Variants in NRXN1 observed in about 807,000 individuals in gnomAD.
NRXN1 encodes the protein neurexin-1.
A neutral mutation model predicts 150.9 loss-of-function variants in NRXN1; 39 were observed. The ratio of observed to expected loss-of-function variants is 0.26; its 90% CI spans 0.20 to 0.34. NRXN1 has a LOEUF of 0.34. NRXN1 is among the 10% of genes least tolerant of loss of function. The probability of loss-of-function intolerance (pLI) is 1.00; values close to 1 mark genes in which losing one functional copy is unlikely to be tolerated. For synonymous variants in NRXN1, 924 were observed against 757.0 expected (o/e 1.22, Z -3.62); for missense variants, 1,815 against 1,949.9 (o/e 0.93, Z 1.30).
intron 5 of NRXN1, among the ~76,000 whole-genome samples, chr2:50,705,770 G>A (rs994863972): frequency 1.8e-4 from 28 of 152,072 alleles, no homozygotes; most frequent in African/African-American, 2.7e-4. Flanking sequence ...CAGAGACACC[G>A]CTGATGAGCC....
chr2:50,386,973 C>T (rs540896653), intron 17 of NRXN1, among the ~76,000 whole-genome samples: 3 of 152,254 alleles, frequency 2.0e-5, no homozygotes, highest in African/African-American at 7.2e-5. Context: ...ACAGAACAAG[C>T]TGAGTGATCT....
At chr2:50,936,950 C>T (rs904392401) in intron 2 of NRXN1, among the ~76,000 whole-genome samples, 2 of 152,018 alleles carry the variant, frequency 1.3e-5, no homozygotes, top group Non-Finnish European at 2.9e-5. Flanking sequence ...GCATTTCTTA[C>T]CAATACTTCA....
chr2:50,720,307 A>G (rs542333034), intron 5 of NRXN1, among the ~76,000 whole-genome samples: 1 of 152,112 alleles, frequency 6.6e-6, no homozygotes, highest in Non-Finnish European at 1.5e-5. Context: ...CAGTTACAAC[A>G]TGTCTCTTTC....
chr2:50,139,324 CAAAAAAAA>C (rs35142652), intron 18 of NRXN1, among the ~76,000 whole-genome samples: 1 of 77,402 alleles, frequency 1.3e-5, no homozygotes, highest in Non-Finnish European at 2.6e-5. Context: ...GACTTGGTAT[CAAAAAAAA>C]AAAAAAAAAA....
intron 8 of NRXN1, chr2:50,554,554 G>A (rs956042467): frequency 2.0e-5 from 3 of 152,086 alleles, no homozygotes; most frequent in African/African-American, 7.2e-5. Context: ...ACATAAGTGG[G>A]AAAATCTACA....
At chr2:50,550,168 G>GT (rs1342139034) in intron 9 of NRXN1, among the ~76,000 whole-genome samples, 3 of 151,744 alleles carry the variant, frequency 2.0e-5, no homozygotes, top group African/African-American at 4.8e-5. Context: ...GATGTTTGGT[G>GT]TTTTTTTTCT....
intron 8 of NRXN1, among the ~76,000 whole-genome samples, chr2:50,610,356 A>C (rs1469157): frequency 0.54 from 81,925 of 151,322 alleles, 22,835 homozygotes; most frequent in East Asian, 0.73. Flanking sequence ...TAATTCACTG[A>C]GCTTCAGTCC....
intron 2 of NRXN1, among the ~76,000 whole-genome samples, chr2:50,970,501 C>G (rs1026872532): frequency 6.6e-6 from 1 of 151,902 alleles, no homozygotes; most frequent in Non-Finnish European, 1.5e-5. Flanking sequence ...CACATTAAAA[C>G]CAATTAATAA....
At chr2:50,758,783 GGA>G (rs902362404) in intron 5 of NRXN1, among the ~76,000 whole-genome samples, 1 of 151,848 alleles carries the variant, frequency 6.6e-6, no homozygotes, top group African/African-American at 2.4e-5. Context: ...ATAACACCTT[GGA>G]GAGCTCTCAC....
At chr2:50,271,592 C>A (rs567046639) in intron 17 of NRXN1, among the ~76,000 whole-genome samples, 1 of 152,128 alleles carries the variant, frequency 6.6e-6, no homozygotes, top group Non-Finnish European at 1.5e-5. Flanking sequence ...GCAAGTGACA[C>A]ATTTTAACAA....
intron 5 of NRXN1, among the ~76,000 whole-genome samples, chr2:50,755,351 A>C (rs576846134): frequency 7.2e-5 from 11 of 151,900 alleles, no homozygotes; most frequent in African/African-American, 2.7e-4. Context: ...TTTTGAACCT[A>C]ATTATTGTGA....
At chr2:50,789,045 A>G (rs571749790) in intron 5 of NRXN1, among the ~76,000 whole-genome samples, 2 of 152,296 alleles carry the variant, frequency 1.3e-5, no homozygotes, top group South Asian at 4.1e-4. Flanking sequence ...TGGCTAATGT[A>G]AGGCCCGTAG....
At chr2:50,707,157 C>T (rs944406233) in intron 5 of NRXN1, among the ~76,000 whole-genome samples, 8 of 152,122 alleles carry the variant, frequency 5.3e-5, no homozygotes, top group African/African-American at 1.4e-4. Flanking sequence ...ATATGTCTTG[C>T]TGGCTTTCAT....
At chr2:50,828,337 C>T (rs1365260625) in intron 5 of NRXN1, among the ~76,000 whole-genome samples, 1 of 150,906 alleles carries the variant, frequency 6.6e-6, no homozygotes, top group Non-Finnish European at 1.5e-5. Flanking sequence ...CCCCCGCCTC[C>T]CTCCCAGATG....
At chr2:50,038,646 T>C (rs1690417992) in intron 21 of NRXN1, among the ~76,000 whole-genome samples, 3 of 152,150 alleles carry the variant, frequency 2.0e-5, no homozygotes, top group Admixed American at 6.5e-5. Flanking sequence ...TTCTTATTCA[T>C]AGCTGCCTAA....
intron 10 of NRXN1, among the ~76,000 whole-genome samples, chr2:50,531,730 A>G (rs886758418): frequency 1.3e-5 from 2 of 151,976 alleles, no homozygotes; most frequent in Admixed American, 6.6e-5. Flanking sequence ...TGAGTGTTTG[A>G]TTATATGCCC....
intron 12 of NRXN1, among the ~76,000 whole-genome samples, chr2:50,522,414 C>A (rs774905994): frequency 1.3e-5 from 2 of 152,154 alleles, no homozygotes; most frequent in Non-Finnish European, 2.9e-5. Flanking sequence ...TCTGCAGTAT[C>A]AATAATGCTT....
intron 17 of NRXN1, among the ~76,000 whole-genome samples, chr2:50,281,347 T>C (rs576621642): frequency 2.2e-5 from 3 of 135,040 alleles, no homozygotes; most frequent in African/African-American, 8.0e-5. Context: ...TAATCCATAA[T>C]AGTAGAACAA....
chr2:50,088,864 T>G (rs1187490007), intron 19 of NRXN1, among the ~76,000 whole-genome samples: 1 of 152,184 alleles, frequency 6.6e-6, no homozygotes, highest in Non-Finnish European at 1.5e-5. Context: ...TTGAACTATA[T>G]TCAGTACATG....
Sources: gnomAD v4.1 joint callset for allele counts (sites outside exome capture counted in the v4.1 genomes callset) on GRCh38, gnomAD v4.1.1 for gene constraint, MANE v1.5 for transcripts, NCBI Gene and HGNC (gene_info 2026-07-23, HGNC 2026-07-21) for gene names.